Variants in RUFY4 observed in about 807,000 individuals in gnomAD.
RUFY4 encodes RUN and FYVE domain-containing protein 4.
RUFY4 carries 73 observed loss-of-function variants against 69.0 expected under a neutral mutation model. That is an observed-to-expected ratio of 1.06 (90% CI 0.88 to 1.29). The LOEUF is 1.29. Among genes scored for constraint, RUFY4 ranks in the 50% most tolerant of loss-of-function variants. The pLI is 0.00. For missense variants in RUFY4, 770 were observed against 705.6 expected (o/e 1.09, Z -1.03); for synonymous variants, 287 against 271.8 (o/e 1.06, Z -0.55).
intron 2 of RUFY4, among the ~76,000 whole-genome samples, chr2:218,053,055 G>A (rs987163803): frequency 6.6e-6 from 1 of 152,040 alleles, no homozygotes; most frequent in African/African-American, 2.4e-5. Flanking sequence ...AAACTCCTGG[G>A]CTCAAGGAAT....
chr2:218,053,833 C>T (rs1689002330), intron 2 of RUFY4, among the ~76,000 whole-genome samples: 1 of 152,160 alleles, frequency 6.6e-6, no homozygotes, highest in African/African-American at 2.4e-5. Flanking sequence ...TTTGTGCAGA[C>T]TGGGTTTTGC....
chr2:218,075,595 C>T, exon 7 of RUFY4: 1 of 1,524,680 alleles, frequency 6.6e-7, no homozygotes, highest in South Asian at 1.3e-5. Flanking sequence ...TCGGGGGGCT[C>T]TAGCATCCTG....
chr2:218,071,765 T>C (rs138910712), intron 2 of RUFY4, among the ~76,000 whole-genome samples: 143 of 152,320 alleles, frequency 9.4e-4, no homozygotes, highest in Middle Eastern at 6.8e-3. Flanking sequence ...AGGGCCACAG[T>C]GTCCCTCTCC....
intron 4 of RUFY4, 143 bp from the exon 7 acceptor site, chr2:218,073,100 C>T (rs1028335996): frequency 1.7e-6 from 2 of 1,169,458 alleles, no homozygotes; most frequent in Non-Finnish European, 2.4e-6. Flanking sequence ...TCCTGAAGGG[C>T]CACAACTCTG....
chr2:218,087,357 G>A (rs1689918933), intron 9 of RUFY4, among the ~76,000 whole-genome samples: 1 of 152,104 alleles, frequency 6.6e-6, no homozygotes, highest in African/African-American at 2.4e-5. Context: ...ATAGCCACAT[G>A]TGGGGTAGTG....
At chr2:218,048,019 G>T (rs960993639) in intron 2 of RUFY4, among the ~76,000 whole-genome samples, 1 of 152,044 alleles carries the variant, frequency 6.6e-6, no homozygotes, top group African/African-American at 2.4e-5. Context: ...CTGCTTTCAG[G>T]TCTTCAAGGG....
chr2:218,042,440 A>G (rs979673682), intron 2 of RUFY4, among the ~76,000 whole-genome samples: 2 of 152,248 alleles, frequency 1.3e-5, no homozygotes, highest in Non-Finnish European at 2.9e-5. Flanking sequence ...CAAAAGAAAA[A>G]CAGAAGTTAA....
At chr2:218,067,243 C>A (rs12472595), upstream of RUFY4, among the ~76,000 whole-genome samples, 42,974 of 151,992 alleles carry the variant, frequency 0.28, 6,472 homozygotes, top group East Asian at 0.38. Flanking sequence ...GCCCCACCTC[C>A]CGGGCCCCTT....
chr2:218,041,419 A>G (rs1219184700), intron 2 of RUFY4, among the ~76,000 whole-genome samples: 3 of 152,222 alleles, frequency 2.0e-5, no homozygotes, highest in African/African-American at 7.2e-5. Flanking sequence ...GTCCATGAGC[A>G]TAGTATCTTT....
At chr2:218,067,543 G>A (rs948824569), upstream of RUFY4, among the ~76,000 whole-genome samples, 23 of 152,208 alleles carry the variant, frequency 1.5e-4, no homozygotes, top group African/African-American at 4.8e-4. Context: ...GCCCCAAGCA[G>A]CAGCAACCCC....
At chr2:218,051,328 C>T (rs916287928) in intron 2 of RUFY4, among the ~76,000 whole-genome samples, 2 of 151,862 alleles carry the variant, frequency 1.3e-5, no homozygotes, top group Non-Finnish European at 2.9e-5. Context: ...TTTTTAAGTA[C>T]TATAAAACAT....
upstream of RUFY4, chr2:218,065,694 G>A (rs1390939748): frequency 6.6e-6 from 1 of 152,548 alleles, no homozygotes; most frequent in East Asian, 1.9e-4. Context: ...TGGCCCCAGG[G>A]CCACTGCTGG....
intron 9 of RUFY4, among the ~76,000 whole-genome samples, chr2:218,084,263 G>A (rs189695846): frequency 2.4e-4 from 37 of 151,274 alleles, no homozygotes; most frequent in African/African-American, 8.5e-4. Context: ...ACGGAGTCTC[G>A]CTCTGTCCCC....
At chr2:218,067,201 C>T (rs745986258), upstream of RUFY4, among the ~76,000 whole-genome samples, 3 of 152,244 alleles carry the variant, frequency 2.0e-5, no homozygotes, top group Admixed American at 6.5e-5. Flanking sequence ...ATGTCTCTAA[C>T]CCCAGCCACT....
At chr2:218,088,887 A>G (rs143979301) in intron 9 of RUFY4, among the ~76,000 whole-genome samples, 1 of 138,256 alleles carries the variant, frequency 7.2e-6, no homozygotes, top group Non-Finnish European at 1.6e-5. Flanking sequence ...CCCTCTATAT[A>G]TCTCTCAACT....
chr2:218,079,512 A>C (rs901596908), intron 8 of RUFY4, among the ~76,000 whole-genome samples: 1 of 152,084 alleles, frequency 6.6e-6, no homozygotes, highest in Non-Finnish European at 1.5e-5. Context: ...GTTACGTTTG[A>C]GATACCTGTT....
chr2:218,047,797 C>A (rs771689027), intron 2 of RUFY4, among the ~76,000 whole-genome samples: 11 of 152,166 alleles, frequency 7.2e-5, no homozygotes, highest in African/African-American at 2.2e-4. Flanking sequence ...CTTAAACTTA[C>A]GTTTATTTAG....
chr2:218,071,052 G>A lies in RUFY4; in HGVS notation c.153+193G>A, dbSNP rs377041361. 1.8e-4 allele frequency among the ~76,000 whole-genome samples: 27 copies of A among 152,282 alleles called. 2 individuals are homozygous for A. In the South Asian group the frequency reaches 2.9e-3, roughly 16 times the overall value. ...CCTAAGAAGTGAAGTGGGGCAAAGC[G>A]GGGCTGGAAGGGACCCAGGCCTGGT... On this transcript the variant is annotated intron_variant, in intron 2 of 10. Coordinates refer to ENST00000344321, the Ensembl canonical transcript of RUFY4.
intron 2 of RUFY4, among the ~76,000 whole-genome samples, chr2:218,056,114 AC>A (rs1453332522): frequency 7.9e-5 from 12 of 152,350 alleles, no homozygotes; most frequent in African/African-American, 2.6e-4. Context: ...ACGGAATGCT[AC>A]ACAATGGCTG....
Sources: gnomAD v4.1 joint callset for allele counts (sites outside exome capture counted in the v4.1 genomes callset) on GRCh38, gnomAD v4.1.1 for gene constraint, MANE v1.5 for transcripts, NCBI Gene and HGNC (gene_info 2026-07-23, HGNC 2026-07-21) for gene names.